Variants in TADA2A observed in about 807,000 individuals in gnomAD.
TADA2A encodes the protein transcriptional adaptor 2A.
A neutral mutation model predicts 67.4 loss-of-function variants in TADA2A; 38 were observed. The observed-to-expected ratio is 0.56, with a 90% CI of 0.44 to 0.74. The LOEUF (loss-of-function observed/expected upper bound fraction) is 0.74, where lower values mean the gene tolerates loss of function less well. Among genes scored for constraint, TADA2A ranks in the 30% least tolerant of loss-of-function variants. The pLI is 0.00. For synonymous variants in TADA2A, 192 were observed against 181.6 expected (o/e 1.06, Z -0.46); for missense variants, 454 against 547.0 (o/e 0.83, Z 1.70).
intron 2 of TADA2A, among the ~76,000 whole-genome samples, chr17:37,417,301 G>A (rs1037407839): frequency 5.3e-5 from 8 of 151,240 alleles, no homozygotes; most frequent in East Asian, 2.0e-4. Flanking sequence ...GCTTGAACCC[G>A]GGAGGCAGAG....
chr17:37,443,364 CT>C (rs2052979685), intron 7 of TADA2A, among the ~76,000 whole-genome samples: 1 of 152,060 alleles, frequency 6.6e-6, no homozygotes, highest in Non-Finnish European at 1.5e-5. Flanking sequence ...AGCGATTCTC[CT>C]GTCTCAGCCT....
intron 12 of TADA2A, among the ~76,000 whole-genome samples, chr17:37,467,980 G>C (rs1287301004): frequency 1.3e-5 from 2 of 152,038 alleles, no homozygotes; most frequent in Non-Finnish European, 2.9e-5. Context: ...TACTCGGGAG[G>C]CTGAGGCACA....
In TADA2A at chr17:37,470,459, A is replaced by G. The variant is rs766832434; in HGVS notation, c.955A>G (p.Met319Val). ...GGAGGAAGAGCGCCTTAAACGCACT[A>G]TGCTCTCAGAAGTTCTCCAGTATAT... is the stretch of plus-strand genomic sequence containing the variant. Reference protein sequence around the residue: ...TREEERLKRTMLSEVLQYIQD... With the variant: ...TREEERLKRTVLSEVLQYIQD... Residue 319 changes from methionine to valine, a missense_variant, in exon 13 of 16, where the codon ATG becomes GTG. This residue lies in a region of TADA2A where 403 missense variants were observed against 455.5 expected (regional missense o/e 0.88). Coordinates refer to ENST00000615182, the MANE Select transcript of TADA2A (RefSeq NM_001166105.3). 2.9e-5 allele frequency: 46 copies of G among 1,612,420 alleles called. No homozygotes were observed. The highest frequency in any genetic ancestry group is 3.4e-5 in the Non-Finnish European group (40 of 1,179,516).
intron 1 of TADA2A, among the ~76,000 whole-genome samples, chr17:37,408,167 G>T (rs549809309): frequency 1.3e-5 from 2 of 152,292 alleles, no homozygotes; most frequent in South Asian, 2.1e-4. Context: ...GATTACAGGC[G>T]TGAGCCACCG....
At chr17:37,449,583 A>C (rs2053176227) in intron 8 of TADA2A, among the ~76,000 whole-genome samples, 1 of 151,580 alleles carries the variant, frequency 6.6e-6, no homozygotes, top group African/African-American at 2.4e-5. Flanking sequence ...CTGTGTTCTT[A>C]ATACTGTACA....
At chr17:37,413,186 C>T (rs2051931796) in intron 2 of TADA2A, among the ~76,000 whole-genome samples, 1 of 152,174 alleles carries the variant, frequency 6.6e-6, no homozygotes, top group African/African-American at 2.4e-5. Context: ...CTTGGCCTCC[C>T]AAAGTGCTGG....
chr17:37,425,399 T>C (rs918801800), intron 3 of TADA2A, among the ~76,000 whole-genome samples: 5 of 152,168 alleles, frequency 3.3e-5, no homozygotes, highest in African/African-American at 1.2e-4. Context: ...TTTACATGAA[T>C]TAACCCTTAA....
chr17:37,455,504 C>T (rs943289871), intron 8 of TADA2A, among the ~76,000 whole-genome samples: 7 of 151,960 alleles, frequency 4.6e-5, no homozygotes, highest in Non-Finnish European at 8.8e-5. Flanking sequence ...GCCTCAGCCT[C>T]CTGAGTAGCT....
chr17:37,427,017 T>C lies in TADA2A; in HGVS notation c.192+8T>C. On this transcript the variant is annotated splice_region_variant and intron_variant, in intron 4 of 15. Transcript: ENST00000615182. ...CATACTTATGAAATAATGGTAATGA[T>C]GAAGTTGCTGGGAATTTCTGTTCAC... 3.8e-6 allele frequency: 6 copies of C among 1,571,396 alleles called. No individual in the cohort carries two copies. Among genetic ancestry groups the C allele is most frequent in the Non-Finnish European group, 5.2e-6 (6 of 1,157,700 alleles).
In TADA2A at chr17:37,479,701, G is replaced by T. The variant is rs1003814190; in HGVS notation, c.*2719G>T. Reference sequence around the variant, plus strand: ...GCATATTTTTCTCTCTAAGTGGTGGGAAATAAAGAACAAATCTCTTTCCAT... The same window carrying T: ...GCATATTTTTCTCTCTAAGTGGTGGTAAATAAAGAACAAATCTCTTTCCAT... On this transcript the variant is annotated 3_prime_UTR_variant, in exon 16 of 16. Coordinates refer to ENST00000615182, the MANE Select transcript of TADA2A (RefSeq NM_001166105.3). 5.9e-5 allele frequency: 9 copies of T among 152,178 alleles called. No homozygotes were observed. Among genetic ancestry groups the T allele is most frequent in the Admixed American group, 2.0e-4 (3 of 15,284 alleles). 9.4% of individuals were successfully genotyped at this position (152,178 alleles called of 1,614,324 possible).
chr17:37,439,483 G>A (rs969989970), intron 5 of TADA2A, among the ~76,000 whole-genome samples: 4 of 151,914 alleles, frequency 2.6e-5, no homozygotes, highest in African/African-American at 9.7e-5. Context: ...GGATTTTACT[G>A]TGTTGCCCAG....
In TADA2A at chr17:37,440,810, A is replaced by T. The variant is rs564090405; in HGVS notation, c.442+148A>T. On this transcript the variant is annotated intron_variant, in intron 6 of 15. Transcript: ENST00000615182. ...AGTATGGCAGCTATTGAGAGTCAGG[A>T]TCGACCCAGCATGGTGGCTTGTGCC... is the stretch of plus-strand genomic sequence containing the variant. The T allele has an allele frequency of 7.5e-5, 80 of 1,068,588 alleles. No homozygotes were observed. The African/African-American group carries it at 1.1e-3, about 15-fold the overall frequency. 66.2% of individuals were successfully genotyped at this position (1,068,588 alleles called of 1,614,324 possible).
At position 37,411,306 on chromosome 17, in the gene TADA2A, TGAAGTCTTGAA is replaced by T. The variant is rs1257212041; in HGVS notation, c.-55_-45del. 8 of 1,583,852 alleles carry T rather than the reference TGAAGTCTTGAA, an allele frequency of 5.1e-6. No homozygotes were observed. Among genetic ancestry groups the T allele is most frequent in the Non-Finnish European group, 6.1e-6 (7 of 1,153,008 alleles). ...CTTTGGTGTATGTGTTGGCCGGTTCTGAAGTCTTGAAGAAGCTCTGCTGAGGAAGACCAAAG... is the reference window on the plus strand; with the variant it reads ...CTTTGGTGTATGTGTTGGCCGGTTCTGAAGCTCTGCTGAGGAAGACCAAAG... On this transcript the variant is annotated 5_prime_UTR_variant, in exon 2 of 16. The change abolishes the stop of an existing upstream ORF in the 5' untranslated region. Transcript: ENST00000615182.
intron 2 of TADA2A, among the ~76,000 whole-genome samples, chr17:37,411,908 G>A (rs2051885871): frequency 2.0e-5 from 3 of 151,636 alleles, no homozygotes; most frequent in Admixed American, 2.0e-4. Flanking sequence ...TATGACCCTG[G>A]GTCTTACAAG....
chr17:37,476,186 T>C (rs552694133), intron 15 of TADA2A, among the ~76,000 whole-genome samples: 138 of 152,296 alleles, frequency 9.1e-4, no homozygotes, highest in Non-Finnish European at 4.0e-4. Flanking sequence ...ATTTCAAGCT[T>C]TTTTTATCCT....
In TADA2A at chr17:37,439,423, CCGGCGTG is replaced by C. The variant is rs1365213167; in HGVS notation, c.285-1081_285-1075del. Reference sequence around the variant, plus strand: ...TCAGGCTCCCGAGTAGCTGGGACTACCGGCGTGTGCAACCACCCCTGGCTAATCTTTG... The same window carrying C: ...TCAGGCTCCCGAGTAGCTGGGACTACTGCAACCACCCCTGGCTAATCTTTG... On this transcript the variant is annotated intron_variant, in intron 5 of 15. Coordinates refer to ENST00000615182, the MANE Select transcript of TADA2A (RefSeq NM_001166105.3). Among the ~76,000 whole-genome samples, 3 of 152,186 alleles carry C rather than the reference CCGGCGTG, an allele frequency of 2.0e-5. No homozygotes were observed. The East Asian group carries it at 5.8e-4, about 29-fold the overall frequency.
At chr17:37,422,551 G>T (rs905073024) in intron 2 of TADA2A, among the ~76,000 whole-genome samples, 1 of 150,114 alleles carries the variant, frequency 6.7e-6, no homozygotes, top group East Asian at 2.0e-4. Context: ...CTGTCGCCCA[G>T]GCTGGAGTGC....
intron 4 of TADA2A, among the ~76,000 whole-genome samples, chr17:37,429,717 T>A (rs1306692412): frequency 6.6e-6 from 1 of 152,198 alleles, no homozygotes; most frequent in Non-Finnish European, 1.5e-5. Flanking sequence ...GTTTCTGGGC[T>A]TATAATATTC....
chr17:37,434,348 A>T (rs2052659207), intron 4 of TADA2A, among the ~76,000 whole-genome samples: 1 of 152,176 alleles, frequency 6.6e-6, no homozygotes, highest in African/African-American at 2.4e-5. Flanking sequence ...GCCACAAGAG[A>T]TGCATGAGGC....
Sources: gnomAD v4.1 joint callset for allele counts (sites outside exome capture counted in the v4.1 genomes callset) on GRCh38, gnomAD v4.1.1 for gene constraint, gnomAD v4.1.1 regional missense constraint, MANE v1.5 for transcripts, NCBI Gene and HGNC (gene_info 2026-07-23, HGNC 2026-07-21) for gene names.